AP3D1: variants seen among roughly 807,000 people sequenced by gnomAD.
The protein encoded by AP3D1 is AP-3 complex subunit delta-1.
In AP3D1, 51 loss-of-function variants were observed where a neutral mutation model predicts 147.6. The ratio of observed to expected loss-of-function variants is 0.35; its 90% CI spans 0.28 to 0.44. The LOEUF (loss-of-function observed/expected upper bound fraction) is 0.44. Among genes scored for constraint, AP3D1 ranks in the 20% least tolerant of loss-of-function variants. AP3D1 has a pLI of 1.00. For synonymous variants in AP3D1, 760 were observed against 663.0 expected (o/e 1.15, Z -2.25); for missense variants, 1,421 against 1,624.2 (o/e 0.87, Z 2.15).
intron 14 of AP3D1, among the ~76,000 whole-genome samples, chr19:2,120,201 G>A (rs371968689): frequency 6.6e-6 from 1 of 152,260 alleles, no homozygotes; most frequent in Non-Finnish European, 1.5e-5. Flanking sequence ...CCAGACTGCT[G>A]TGAGAACCGT....
chr19:2,129,284 G>C (rs760942793), intron 7 of AP3D1, 34 bp downstream of exon 7: 2 of 1,613,758 alleles, frequency 1.2e-6, no homozygotes, highest in African/African-American at 1.3e-5. Context: ...GCCCCACACA[G>C]GGTGAGGAGG....
Position 2,114,217 on chromosome 19 carries a change from C to T in AP3D1, c.2509G>A (p.Val837Ile), listed in dbSNP as rs769242829. ...TTGGGTTTCTTGCTCTTCTTTTCTACCATGGGAACGTCCTTCTCAGGGGAT... is the reference window on the plus strand; with the variant it reads ...TTGGGTTTCTTGCTCTTCTTTTCTATCATGGGAACGTCCTTCTCAGGGGAT... ...SKSPEKDVPM[V>I]EKKSKKPKKK... The change falls in exon 22 of 32, where the codon GTA becomes ATA. Residue 837 changes from valine (V) to isoleucine (I), a missense_variant. Around this residue, in one of 6 missense-constraint regions of AP3D1, gnomAD observed 791 missense variants for 761.4 expected, o/e 1.04. Coordinates refer to ENST00000643116, the MANE Select transcript of AP3D1 (RefSeq NM_001261826.3). 3.1e-6 allele frequency: 5 copies of T among 1,612,578 alleles called. No homozygotes were observed. The highest frequency in any genetic ancestry group is 4.2e-6 in the Non-Finnish European group (5 of 1,179,582).
chr19:2,103,104 A>G (rs2018004654), intron 31 of AP3D1, among the ~76,000 whole-genome samples: 1 of 152,266 alleles, frequency 6.6e-6, no homozygotes, highest in Admixed American at 6.5e-5. Context: ...AGCCTGGGCG[A>G]TAAGAGTGAG....
chr19:2,119,601 C>A (rs1419470089), intron 14 of AP3D1, among the ~76,000 whole-genome samples: 1 of 147,466 alleles, frequency 6.8e-6, no homozygotes, highest in Non-Finnish European at 1.5e-5. Context: ...GAGGCTGAGG[C>A]AGGAGAATGG....
At chr19:2,141,119 A>G (rs1011568767) in intron 1 of AP3D1, among the ~76,000 whole-genome samples, 1 of 152,136 alleles carries the variant, frequency 6.6e-6, no homozygotes, top group African/African-American at 2.4e-5. Context: ...CCAAAAGATT[A>G]TATTATAAAC....
intron 11 of AP3D1, among the ~76,000 whole-genome samples, chr19:2,122,717 C>G (rs1311914509): frequency 6.6e-6 from 1 of 152,198 alleles, no homozygotes; most frequent in East Asian, 1.9e-4. Context: ...CTGTGGGGTG[C>G]TTGCCTATTT....
intron 2 of AP3D1, 142 bp from the exon 3 acceptor site, chr19:2,137,949 C>CCCG: frequency 2.0e-6 from 1 of 511,978 alleles, no homozygotes. Context: ...ATACGTACCC[C>CCCG]TGGGGCCTTT....
At chr19:2,154,097 A>C (rs1322662785), upstream of AP3D1, among the ~76,000 whole-genome samples, 1 of 151,542 alleles carries the variant, frequency 6.6e-6, no homozygotes, top group Non-Finnish European at 1.5e-5. Flanking sequence ...ACAGCTGCCC[A>C]CCACCACCTC....
At chr19:2,140,128 C>T (rs2144523902) in intron 1 of AP3D1, among the ~76,000 whole-genome samples, 1 of 152,280 alleles carries the variant, frequency 6.6e-6, no homozygotes, top group Admixed American at 6.5e-5. Context: ...ATAACCCACT[C>T]CTCCTGCTCA....
chr19:2,113,688 G>T (rs952528062), intron 22 of AP3D1, among the ~76,000 whole-genome samples: 2 of 152,208 alleles, frequency 1.3e-5, no homozygotes, highest in Non-Finnish European at 2.9e-5. Flanking sequence ...CGGCCCATAT[G>T]TCTTATGTCT....
At chr19:2,140,422 C>T (rs1054710927) in intron 1 of AP3D1, among the ~76,000 whole-genome samples, 5 of 152,086 alleles carry the variant, frequency 3.3e-5, no homozygotes, top group African/African-American at 1.2e-4. Context: ...CCCCCACGCT[C>T]GCCGCTGATG....
intron 5 of AP3D1, among the ~76,000 whole-genome samples, chr19:2,132,182 C>T (rs1481575984): frequency 6.6e-6 from 1 of 152,148 alleles, no homozygotes; most frequent in Non-Finnish European, 1.5e-5. Context: ...CAGACAGGAG[C>T]CACTGTCAGA....
intron 1 of AP3D1, among the ~76,000 whole-genome samples, chr19:2,146,036 T>C (rs953555396): frequency 1.2e-4 from 19 of 152,044 alleles, no homozygotes; most frequent in African/African-American, 4.3e-4. Flanking sequence ...AGCGGGCGCT[T>C]TCCTGAGGGC....
chr19:2,148,865 T>G (rs1224473519), intron 1 of AP3D1, among the ~76,000 whole-genome samples: 1 of 152,246 alleles, frequency 6.6e-6, no homozygotes, highest in African/African-American at 2.4e-5. Context: ...AATGGAAACT[T>G]TTTTTGGAAA....
intron 14 of AP3D1, among the ~76,000 whole-genome samples, 173 bp from the exon 15 acceptor site, chr19:2,119,005 CAACAGCCCGT>C (rs2018537002): frequency 6.6e-6 from 1 of 152,206 alleles, no homozygotes. Context: ...CACAGGCCGT[CAACAGCCCGT>C]AACACAAACA....
rs561133453 is a variant in AP3D1, at chr19:2,120,762, C to A, written c.1481+100G>T. On this transcript the variant is annotated intron_variant, in intron 14 of 31. Coordinates refer to ENST00000643116, the MANE Select transcript of AP3D1 (RefSeq NM_001261826.3). The stretch of plus-strand genomic sequence containing the variant: ...CTGCAAGACGGCCGGGGTGGCAGGG[C>A]GATGGGAGACGGTAGGAAGGATCTG... The A allele has an allele frequency of 4.1e-6, 5 of 1,225,490 alleles. No homozygotes were observed. In the South Asian group the frequency reaches 5.5e-5, roughly 13 times the overall value. The allele number at this position is 1,225,490 out of a possible 1,614,324, so 75.9% of individuals were successfully genotyped here. A position where few individuals can be genotyped will look rare whatever the true frequency, so the allele number is the denominator to read the frequency against.
chr19:2,155,514 A>G (rs2019637997), upstream of AP3D1, among the ~76,000 whole-genome samples: 6 of 144,582 alleles, frequency 4.1e-5, no homozygotes, highest in Admixed American at 4.2e-4. Context: ...AGCCTGGGTG[A>G]CAGCGAGACT....
At chr19:2,157,080 T>G (rs550241456) in intron 1 of AP3D1, among the ~76,000 whole-genome samples, 7 of 147,882 alleles carry the variant, frequency 4.7e-5, no homozygotes, top group Non-Finnish European at 9.0e-5. Flanking sequence ...CCCATCCATC[T>G]ATCGATCTAT....
At chr19:2,114,602 G>A (rs2018386497) in intron 21 of AP3D1, 146 bp downstream of exon 21, 4 of 720,078 alleles carry the variant, frequency 5.6e-6, no homozygotes, top group African/African-American at 1.8e-5. Context: ...GCAGTGCAGT[G>A]AGGACGTGGT....
Sources: allele counts gnomAD v4.1 joint callset (sites outside exome capture counted in the v4.1 genomes callset), GRCh38; gene constraint gnomAD v4.1.1; regional missense constraint gnomAD v4.1.1; transcripts MANE v1.5; gene names NCBI Gene and HGNC (gene_info 2026-07-23, HGNC 2026-07-21).